Variants in RXRA observed in about 807,000 individuals in gnomAD.
RXRA encodes the protein retinoic acid receptor RXR-alpha.
In RXRA, 5 loss-of-function variants were observed where a neutral mutation model predicts 44.5. The ratio of observed to expected loss-of-function variants is 0.11; its 90% CI spans 0.06 to 0.24. The LOEUF (loss-of-function observed/expected upper bound fraction) is 0.24. Among genes scored for constraint, RXRA ranks in the 10% least tolerant of loss-of-function variants. RXRA has a pLI of 1.00. For synonymous variants in RXRA, 291 were observed against 271.4 expected (o/e 1.07, Z -0.71); for missense variants, 412 against 646.5 (o/e 0.64, Z 3.93).
At chr9:134,378,180 A>T (rs1830587077) in intron 1 of RXRA, among the ~76,000 whole-genome samples, 1 of 152,218 alleles carries the variant, frequency 6.6e-6, no homozygotes, top group South Asian at 2.1e-4. Context: ...CAAGGCACAG[A>T]GCTCTGGAAG....
At chr9:134,391,330 G>A (rs192358299) in intron 1 of RXRA, among the ~76,000 whole-genome samples, 1 of 152,308 alleles carries the variant, frequency 6.6e-6, no homozygotes, top group Non-Finnish European at 1.5e-5. Flanking sequence ...GACGAGAGCC[G>A]CCCTGAGGGT....
intron 1 of RXRA, among the ~76,000 whole-genome samples, chr9:134,339,647 C>CTGTGTGTGTGCCTGTG (rs1280852020): frequency 8.2e-6 from 1 of 121,580 alleles, no homozygotes; most frequent in Non-Finnish European, 1.7e-5. Context: ...GTGCGTGTGT[C>CTGTGTGTGTGCCTGTG]TGTGTGTGTG....
At chr9:134,334,525 C>T (rs1554747065) in intron 1 of RXRA, among the ~76,000 whole-genome samples, 1 of 152,252 alleles carries the variant, frequency 6.6e-6, no homozygotes, top group East Asian at 1.9e-4. Context: ...ATAGCATGGG[C>T]TGTGGCGGTG....
In RXRA at chr9:134,436,744, C is replaced by A; in HGVS notation, c.*130C>A. ...GTTTGGACTTTGGGGCACAGCCTGT[C>A]ACTGCTCTGCCTAAGAGATGTGTTG... On this transcript the variant is annotated 3_prime_UTR_variant, in exon 10 of 10. Coordinates refer to ENST00000481739, the MANE Select transcript of RXRA (RefSeq NM_002957.6). The A allele has an allele frequency of 1.0e-6, 1 of 967,320 alleles. No individual in the cohort carries two copies. Among genetic ancestry groups the A allele is most frequent in the Non-Finnish European group, 1.5e-6 (1 of 647,224 alleles). 59.9% of individuals were successfully genotyped at this position (967,320 alleles called of 1,614,324 possible).
chr9:134,367,261 G>T (rs931972169), intron 1 of RXRA, among the ~76,000 whole-genome samples: 1 of 152,120 alleles, frequency 6.6e-6, no homozygotes, highest in Non-Finnish European at 1.5e-5. Context: ...CTGGTCTGGC[G>T]TTTGTGATCT....
rs1049189357 is a variant in RXRA, at chr9:134,407,417, C to A, written c.280-732C>A. ...AGCGCCTGTGGGTCCTCGGCGCTGA[C>A]TGCAGAGCTGGGTGGAGGCAGCGGA... is the stretch of plus-strand genomic sequence containing the variant. On this transcript the variant is annotated intron_variant, in intron 2 of 9. Coordinates refer to ENST00000481739, the MANE Select transcript of RXRA (RefSeq NM_002957.6). The surrounding 1 kb of genome is among the most constrained non-coding windows in gnomAD (Gnocchi z 4.8). 2.0e-5 allele frequency among the ~76,000 whole-genome samples: 3 copies of A among 152,238 alleles called. No individual in the cohort carries two copies. Among genetic ancestry groups the A allele is most frequent in the African/African-American group, 7.2e-5 (3 of 41,468 alleles).
intron 1 of RXRA, among the ~76,000 whole-genome samples, chr9:134,355,802 G>T (rs1830276339): frequency 6.6e-6 from 1 of 152,326 alleles, no homozygotes; most frequent in Non-Finnish European, 1.5e-5. Flanking sequence ...CTGCAGCTGT[G>T]CAGGAGAATT....
chr9:134,359,444 C>T (rs1486998548), intron 1 of RXRA, among the ~76,000 whole-genome samples: 2 of 152,286 alleles, frequency 1.3e-5, no homozygotes, highest in South Asian at 2.1e-4. Context: ...GTGCCTCCCA[C>T]CCTTCCTCAT....
At chr9:134,422,635 T>A (rs1237166777) in intron 6 of RXRA, 54 of 865,130 alleles carry the variant, frequency 6.2e-5, no homozygotes, top group Admixed American at 1.8e-4. Flanking sequence ...GACACTCCCC[T>A]CTCCCCGGAC....
chr9:134,423,076 G>A, intron 6 of RXRA: 1 of 985,506 alleles, frequency 1.0e-6, no homozygotes, highest in Non-Finnish European at 1.2e-6. Context: ...GGCAGTGGAA[G>A]CCTGGATGGG....
intron 1 of RXRA, among the ~76,000 whole-genome samples, chr9:134,345,848 C>T (rs1297677774): frequency 2.0e-5 from 3 of 152,178 alleles, no homozygotes; most frequent in Non-Finnish European, 2.9e-5. Context: ...TGTCAGTTCC[C>T]GGCACAGATG....
At chr9:134,432,654 A>G (rs545337165) in intron 8 of RXRA, among the ~76,000 whole-genome samples, 18 of 152,338 alleles carry the variant, frequency 1.2e-4, no homozygotes, top group African/African-American at 4.3e-4. Flanking sequence ...GGGCCCCTTC[A>G]AGCTGCTGGA....
In RXRA at chr9:134,342,407, G is replaced by C. The variant is rs1340404377; in HGVS notation, c.28+15748G>C. 2.0e-5 allele frequency among the ~76,000 whole-genome samples: 3 copies of C among 152,318 alleles called. No individual in the cohort carries two copies. The East Asian group carries it at 5.8e-4, about 29-fold the overall frequency. ...ATCTTCAAGGCCACACAGCTTGTGG[G>C]CATGGAGGGGCCGATCCTTGCCCTT... On this transcript the variant is annotated intron_variant, in intron 1 of 9. Coordinates refer to ENST00000481739, the MANE Select transcript of RXRA (RefSeq NM_002957.6). This position sits in a 1 kb window ranked among gnomAD's most constrained non-coding sequence, Gnocchi z 4.4.
intron 1 of RXRA, among the ~76,000 whole-genome samples, chr9:134,386,219 G>A (rs1297271012): frequency 6.6e-6 from 1 of 152,240 alleles, no homozygotes; most frequent in Non-Finnish European, 1.5e-5. Flanking sequence ...CCGCTCAGCC[G>A]CCGCGCTGCA....
At chr9:134,423,812 G>C in intron 6 of RXRA, 5 of 985,490 alleles carry the variant, frequency 5.1e-6, no homozygotes, top group Non-Finnish European at 6.0e-6. Context: ...CTGCAGGCCT[G>C]CCTGACCCCA....
At chr9:134,358,820 G>C (rs1462523233) in intron 1 of RXRA, among the ~76,000 whole-genome samples, 1 of 152,242 alleles carries the variant, frequency 6.6e-6, no homozygotes, top group Non-Finnish European at 1.5e-5. Context: ...CCTGGCCTAT[G>C]TAAGTGCTGC....
intron 1 of RXRA, among the ~76,000 whole-genome samples, chr9:134,386,754 C>T (rs1318173333): frequency 2.0e-5 from 3 of 152,168 alleles, no homozygotes; most frequent in African/African-American, 7.2e-5. Flanking sequence ...GGTGTCTGGG[C>T]CTGAGGGCTC....
intron 5 of RXRA, among the ~76,000 whole-genome samples, chr9:134,419,328 C>CA (rs1831289973): frequency 6.6e-6 from 1 of 152,218 alleles, no homozygotes; most frequent in East Asian, 1.9e-4. Flanking sequence ...GGGAATCTGC[C>CA]ATCTGCTGTC....
chr9:134,423,149 G>T, intron 6 of RXRA: 1 of 985,452 alleles, frequency 1.0e-6, no homozygotes, highest in South Asian at 4.7e-5. Flanking sequence ...TGCTGACTGG[G>T]GCTGGTTCTT....
Sources: allele counts gnomAD v4.1 joint callset (sites outside exome capture counted in the v4.1 genomes callset), GRCh38; gene constraint gnomAD v4.1.1; non-coding constraint Gnocchi (gnomAD v3.1); transcripts MANE v1.5; gene names NCBI Gene and HGNC (gene_info 2026-07-23, HGNC 2026-07-21).